Variants in AGR3 observed in about 807,000 individuals in gnomAD.
The protein encoded by AGR3 is anterior gradient 3, protein disulphide isomerase family member.
AGR3 carries 37 observed loss-of-function variants against 24.5 expected under a neutral mutation model. The ratio of observed to expected loss-of-function variants is 1.51; its 90% CI spans 1.16 to 1.99. The LOEUF (loss-of-function observed/expected upper bound fraction) is 1.99. AGR3 is among the 30% of genes most tolerant of loss of function. The pLI is 0.00. For synonymous variants in AGR3, 75 were observed against 61.6 expected (o/e 1.22, Z -1.02); for missense variants, 228 against 191.1 (o/e 1.19, Z -1.14).
In AGR3 at chr7:16,864,957, T is replaced by C. The variant is rs141691464; in HGVS notation, c.174-2295A>G. 7.3e-4 allele frequency: 720 copies of C among 983,994 alleles called. 4 individuals carry two copies. Among genetic ancestry groups the C allele is most frequent in the Middle Eastern group, 4.4e-3 (15 of 3,446 alleles). 61.0% of individuals were successfully genotyped at this position (983,994 alleles called of 1,614,324 possible). On this transcript the variant is annotated intron_variant, in intron 3 of 7. Coordinates refer to ENST00000310398, the MANE Select transcript of AGR3 (RefSeq NM_176813.5). Reference sequence around the variant, plus strand: ...AGTCTATGTAGTTTTGGTGAAGATATAAATTAAATAAGTCTCCTGGCATGT... The same window carrying C: ...AGTCTATGTAGTTTTGGTGAAGATACAAATTAAATAAGTCTCCTGGCATGT...
At chr7:16,864,203 G>GT in intron 3 of AGR3, 1 of 983,826 alleles carries the variant, frequency 1.0e-6, no homozygotes, top group Non-Finnish European at 1.5e-6. Context: ...CTCTGCTGAA[G>GT]TACCACTGAA....
At chr7:16,856,819 A>C (rs1204905441), downstream of AGR3, among the ~76,000 whole-genome samples, 1 of 150,968 alleles carries the variant, frequency 6.6e-6, no homozygotes, top group Non-Finnish European at 1.5e-5. Flanking sequence ...ACACATACAC[A>C]CACACACACC....
intron 3 of AGR3, among the ~76,000 whole-genome samples, chr7:16,871,027 A>G (rs1781855003): frequency 6.6e-6 from 1 of 152,194 alleles, no homozygotes; most frequent in Non-Finnish European, 1.5e-5. Flanking sequence ...AAGAATAAAA[A>G]TGGTATACTT....
chr7:16,867,336 T>G (rs558318481), intron 3 of AGR3, among the ~76,000 whole-genome samples: 5 of 152,140 alleles, frequency 3.3e-5, no homozygotes, highest in Non-Finnish European at 7.4e-5. Context: ...TCCTGTAGTA[T>G]CTATCTATCT....
At chr7:16,865,019 T>C in intron 3 of AGR3, 1 of 850,614 alleles carries the variant, frequency 1.2e-6, no homozygotes, top group Non-Finnish European at 2.1e-6. Context: ...TCAACAAGTA[T>C]GTATCCTGTT....
chr7:16,880,042 C>T (rs1234756882), intron 1 of AGR3, among the ~76,000 whole-genome samples: 1 of 133,070 alleles, frequency 7.5e-6, no homozygotes, highest in Non-Finnish European at 1.6e-5. Context: ...CCAGTTGTCC[C>T]TCCCTCCTTC....
At chr7:16,877,629 C>T (rs1047874038) in intron 2 of AGR3, among the ~76,000 whole-genome samples, 6 of 151,572 alleles carry the variant, frequency 4.0e-5, no homozygotes, top group African/African-American at 9.7e-5. Context: ...TTTGGGAGGC[C>T]GAGGCGGGCG....
At chr7:16,858,809 C>T (rs1388370266), downstream of AGR3, among the ~76,000 whole-genome samples, 1 of 151,952 alleles carries the variant, frequency 6.6e-6, no homozygotes, top group Non-Finnish European at 1.5e-5. Flanking sequence ...GCAGCGGGGA[C>T]GTGGAGGTTG....
chr7:16,865,015 A>T, intron 3 of AGR3: 1 of 861,112 alleles, frequency 1.2e-6, no homozygotes, highest in Non-Finnish European at 2.0e-6. Flanking sequence ...AGGTTCAACA[A>T]GTATGTATCC....
intron 3 of AGR3, chr7:16,865,675 C>T (rs73082120): frequency 0.047 from 37,613 of 801,584 alleles, 1,134 homozygotes; most frequent in Non-Finnish European, 0.059. Flanking sequence ...GATCTCCAAG[C>T]ATTTGTAACT....
At chr7:16,866,052 G>T in intron 3 of AGR3, 1 of 629,172 alleles carries the variant, frequency 1.6e-6, no homozygotes, top group Non-Finnish European at 3.0e-6. Flanking sequence ...TTCATTTTCA[G>T]ACAGATAGTC....
In AGR3 at chr7:16,859,565, C is replaced by T; in HGVS notation, c.*17G>A. The stretch of plus-strand genomic sequence containing the variant: ...AAATTTGACTTCTTTGAAGTGAAGG[C>T]TTTTTTCCATCATCTCTTATAGCTC... On this transcript the variant is annotated 3_prime_UTR_variant, in exon 8 of 8. Coordinates refer to ENST00000310398, the MANE Select transcript of AGR3 (RefSeq NM_176813.5). The T allele has an allele frequency of 1.3e-6, 2 of 1,535,062 alleles. No individual in the cohort carries two copies. The highest frequency in any genetic ancestry group is 8.9e-7 in the Non-Finnish European group (1 of 1,128,754).
At chr7:16,865,578 C>T (rs954210437) in intron 3 of AGR3, 1 of 715,964 alleles carries the variant, frequency 1.4e-6, no homozygotes, top group Non-Finnish European at 2.6e-6. Context: ...CACATACTTC[C>T]TTAGAACTTC....
intron 3 of AGR3, among the ~76,000 whole-genome samples, chr7:16,872,536 A>T (rs933401764): frequency 6.6e-6 from 1 of 152,218 alleles, no homozygotes; most frequent in Non-Finnish European, 1.5e-5. Flanking sequence ...CCCTTCGGAC[A>T]TTGTTCCCTG....
intron 2 of AGR3, among the ~76,000 whole-genome samples, chr7:16,874,625 G>T (rs947457762): frequency 7.2e-5 from 11 of 152,080 alleles, no homozygotes; most frequent in African/African-American, 2.7e-4. Context: ...AGCAATATTT[G>T]GAAGTCAGTT....
Position 16,873,877 on chromosome 7 carries a change from C to A in AGR3, c.110-34G>T, listed in dbSNP as rs199696270. On this transcript the variant is annotated intron_variant, in intron 2 of 7. Transcript: ENST00000310398. Reference sequence around the variant, plus strand: ...GAAGAGAGAAATCAATGCAGTAACCCAGAACTAGAGAAGAGCTCGGAAATG... The same window carrying A: ...GAAGAGAGAAATCAATGCAGTAACCAAGAACTAGAGAAGAGCTCGGAAATG... 114 of 1,533,288 alleles carry A rather than the reference C, an allele frequency of 7.4e-5. No homozygotes were observed. In the African/African-American group the frequency reaches 1.5e-3, roughly 20 times the overall value. 95.0% of individuals were successfully genotyped at this position (1,533,288 alleles called of 1,614,324 possible). A position where few individuals can be genotyped will look rare whatever the true frequency, so the allele number is the denominator to read the frequency against.
chr7:16,859,949 A>G (rs1392300132), intron 7 of AGR3, among the ~76,000 whole-genome samples: 2 of 151,988 alleles, frequency 1.3e-5, no homozygotes, highest in Admixed American at 1.3e-4. Context: ...TATAGTTGAT[A>G]ATGAATGTTG....
downstream of AGR3, among the ~76,000 whole-genome samples, chr7:16,857,858 G>C (rs1188601032): frequency 6.6e-6 from 1 of 151,998 alleles, no homozygotes; most frequent in Non-Finnish European, 1.5e-5. Context: ...TGAAATTACA[G>C]GTGTCTATAT....
At chr7:16,871,155 A>G (rs901454588) in intron 3 of AGR3, among the ~76,000 whole-genome samples, 2 of 152,214 alleles carry the variant, frequency 1.3e-5, no homozygotes, top group Non-Finnish European at 2.9e-5. Flanking sequence ...TAATATTCAA[A>G]CAGGCAGGCC....
Sources: gnomAD v4.1 joint callset for allele counts (sites outside exome capture counted in the v4.1 genomes callset) on GRCh38, gnomAD v4.1.1 for gene constraint, MANE v1.5 for transcripts, NCBI Gene and HGNC (gene_info 2026-07-23, HGNC 2026-07-21) for gene names.